GABRG3: variants seen among roughly 807,000 people sequenced by gnomAD.
GABRG3 encodes gamma-aminobutyric acid type A receptor subunit gamma3, also known as gamma-aminobutyric acid receptor subunit gamma-3.
Under a neutral mutation model 48.8 loss-of-function variants are expected in GABRG3, and 25 were observed. That is an observed-to-expected ratio of 0.51 (90% CI 0.37 to 0.72). The LOEUF (loss-of-function observed/expected upper bound fraction) is 0.72, where lower values mean the gene tolerates loss of function less well. Among genes scored for constraint, GABRG3 ranks in the 30% least tolerant of loss-of-function variants. The pLI is 0.00. For synonymous variants in GABRG3, 227 were observed against 217.6 expected, an observed-to-expected ratio of 1.04 and a Z score of -0.38; for missense variants, 394 against 577.9, an observed-to-expected ratio of 0.68 and a Z score of 3.26.
chr15:27,208,811 A>G (rs1391612028), intron 3 of GABRG3, among the ~76,000 whole-genome samples: 1 of 152,212 alleles, frequency 6.6e-6, no homozygotes, highest in Admixed American at 6.5e-5. Context: ...AGAGCCAGAA[A>G]TTAATCTTGA....
chr15:27,252,272 G>A (rs1266631615), intron 3 of GABRG3, among the ~76,000 whole-genome samples: 6 of 152,154 alleles, frequency 3.9e-5, no homozygotes, highest in East Asian at 1.9e-4. Context: ...TGCCCTGTCC[G>A]AGGAGTTGCA....
intron 2 of GABRG3, among the ~76,000 whole-genome samples, chr15:26,995,752 CTA>C (rs1895329212): frequency 6.6e-6 from 1 of 152,064 alleles, no homozygotes; most frequent in Non-Finnish European, 1.5e-5. Context: ...GAAATTTACT[CTA>C]GATACCTCTG....
intron 5 of GABRG3, among the ~76,000 whole-genome samples, chr15:27,411,817 C>G (rs371717354): frequency 6.6e-6 from 1 of 152,168 alleles, no homozygotes; most frequent in South Asian, 2.1e-4. Context: ...GCTTCTCCCT[C>G]TTGTTCTTTA....
chr15:27,036,507 T>C (rs986130511), intron 3 of GABRG3, among the ~76,000 whole-genome samples: 11 of 152,140 alleles, frequency 7.2e-5, no homozygotes, highest in Non-Finnish European at 1.6e-4. Context: ...CTGACCAACA[T>C]GGTGAAATAC....
chr15:27,272,451 T>C (rs993117867), intron 3 of GABRG3, among the ~76,000 whole-genome samples: 2 of 152,178 alleles, frequency 1.3e-5, no homozygotes, highest in Non-Finnish European at 2.9e-5. Flanking sequence ...CTTAGAGCCA[T>C]GGTATGTCTG....
chr15:27,157,753 A>G (rs988640934), intron 3 of GABRG3: 2 of 152,226 alleles, frequency 1.3e-5, no homozygotes, highest in Non-Finnish European at 2.9e-5. Flanking sequence ...CATCATCTTA[A>G]TCATTACTGT....
intron 5 of GABRG3, among the ~76,000 whole-genome samples, chr15:27,453,209 T>C (rs973966918): frequency 9.9e-5 from 15 of 152,186 alleles, no homozygotes; most frequent in Non-Finnish European, 1.8e-4. Context: ...TGAGATGTAA[T>C]GTACAGCACC....
rs1889322870 is a variant in GABRG3 at position 27,457,633 on chromosome 15, C to T, written c.575-23017C>T. 6.6e-6 allele frequency among the ~76,000 whole-genome samples: 1 copy of T among 152,158 alleles called. No homozygotes were observed. The highest frequency in any genetic ancestry group is 2.4e-5 in the African/African-American group (1 of 41,446). ...ATCCACTGTACCAGCCCTGCCCTCT[C>T]TAGGACGGGCTGCCTCCTTGGAGTC... On this transcript the variant is annotated intron_variant, in intron 5 of 9. Coordinates refer to ENST00000615808, the MANE Select transcript of GABRG3 (RefSeq NM_033223.5). The surrounding 1 kb of genome is among the most constrained non-coding windows in gnomAD (Gnocchi z 4.4).
chr15:27,032,197 G>A (rs1896098531), intron 3 of GABRG3, among the ~76,000 whole-genome samples: 1 of 152,118 alleles, frequency 6.6e-6, no homozygotes, highest in African/African-American at 2.4e-5. Flanking sequence ...CAGTTATTAT[G>A]TTTTCAGTTC....
rs1466414060 is a variant in GABRG3 at position 27,230,295 on chromosome 15, G to T, written c.271-96514G>T. 5.9e-5 allele frequency among the ~76,000 whole-genome samples: 9 copies of T among 152,264 alleles called. No individual in the cohort carries two copies. The East Asian group carries it at 1.7e-3, about 29-fold the overall frequency. On this transcript the variant is annotated intron_variant, in intron 3 of 9. Coordinates refer to ENST00000615808, the MANE Select transcript of GABRG3 (RefSeq NM_033223.5). ...ACTATAATGGTAATCACCTGAACTTGATCTACAGCTCAAACTACCTGGTTT... is the reference window on the plus strand; with the variant it reads ...ACTATAATGGTAATCACCTGAACTTTATCTACAGCTCAAACTACCTGGTTT...
At chr15:26,990,938 G>A (rs1895236473) in intron 2 of GABRG3, among the ~76,000 whole-genome samples, 2 of 151,780 alleles carry the variant, frequency 1.3e-5, no homozygotes, top group Non-Finnish European at 2.9e-5. Flanking sequence ...CTGAGTAGCT[G>A]GGACTACAGG....
chr15:27,143,387 T>G (rs1294568105), intron 3 of GABRG3, among the ~76,000 whole-genome samples: 1 of 152,228 alleles, frequency 6.6e-6, no homozygotes, highest in Non-Finnish European at 1.5e-5. Context: ...GCTGGGTTTC[T>G]TATAAGAAGA....
chr15:27,196,638 C>T (rs1186877856), intron 3 of GABRG3, among the ~76,000 whole-genome samples: 1 of 152,210 alleles, frequency 6.6e-6, no homozygotes, highest in Non-Finnish European at 1.5e-5. Flanking sequence ...CTACTTGGAT[C>T]CTCTGTGGCA....
At chr15:27,507,563 T>C (rs186972810) in intron 6 of GABRG3, among the ~76,000 whole-genome samples, 142 of 152,206 alleles carry the variant, frequency 9.3e-4, no homozygotes, top group African/African-American at 3.3e-3. Context: ...AAGCTTCGGT[T>C]TGTGGCCCAG....
chr15:27,248,458 A>G (rs188788905), intron 3 of GABRG3, among the ~76,000 whole-genome samples: 9 of 152,268 alleles, frequency 5.9e-5, no homozygotes, highest in Non-Finnish European at 1.3e-4. Flanking sequence ...ACCATGTACA[A>G]TGATTGGATT....
chr15:27,401,046 A>G (rs1036346062), intron 5 of GABRG3, among the ~76,000 whole-genome samples: 4 of 152,228 alleles, frequency 2.6e-5, no homozygotes, highest in African/African-American at 9.6e-5. Context: ...GAAATTTAGC[A>G]TGACTTTCAA....
At chr15:27,354,431 A>G (rs1232827711) in intron 5 of GABRG3, among the ~76,000 whole-genome samples, 1 of 152,070 alleles carries the variant, frequency 6.6e-6, no homozygotes, top group Non-Finnish European at 1.5e-5. Flanking sequence ...ATATGACTTG[A>G]CCCATGCCTA....
chr15:27,186,698 T>C (rs949769463), intron 3 of GABRG3, among the ~76,000 whole-genome samples: 1 of 152,208 alleles, frequency 6.6e-6, no homozygotes, highest in Non-Finnish European at 1.5e-5. Flanking sequence ...CAAAAGCCAT[T>C]CTGATTGTTC....
At chr15:27,005,622 C>T (rs1198914804) in intron 2 of GABRG3, among the ~76,000 whole-genome samples, 1 of 152,228 alleles carries the variant, frequency 6.6e-6, no homozygotes, top group Non-Finnish European at 1.5e-5. Flanking sequence ...CAGAATTTCA[C>T]TCTTTTAATT....
Sources: allele counts gnomAD v4.1 joint callset (sites outside exome capture counted in the v4.1 genomes callset), GRCh38; gene constraint gnomAD v4.1.1; non-coding constraint Gnocchi (gnomAD v3.1); transcripts MANE v1.5; gene names NCBI Gene and HGNC (gene_info 2026-07-23, HGNC 2026-07-21).